The following DMD variants were observed in gnomAD, a reference collection of about 807,000 sequenced individuals.
DMD encodes mutant dystrophin.
Under a neutral mutation model 330.1 loss-of-function variants are expected in DMD, and 63 were observed. That is an observed-to-expected ratio of 0.19 (90% CI 0.16 to 0.24). The LOEUF is 0.24. Among genes scored for constraint, DMD ranks in the 10% least tolerant of loss-of-function variants. The pLI is 1.00. For synonymous variants in DMD, 1,223 were observed against 959.8 expected (o/e 1.27, Z -5.07); for missense variants, 3,344 against 2,684.1 (o/e 1.25, Z -5.43).
intron 44 of DMD, among the ~76,000 whole-genome samples, chrX:31,993,088 A>T (rs1452765013): frequency 9.0e-6 from 1 of 111,580 alleles, no homozygotes; most frequent in Non-Finnish European, 1.9e-5. Context: ...ATGACACTCA[A>T]GGCCATCCTT....
intron 13 of DMD, among the ~76,000 whole-genome samples, chrX:32,593,853 ACT>A (rs1317946910): frequency 1.8e-5 from 2 of 112,437 alleles, no homozygotes; most frequent in African/African-American, 6.5e-5. Context: ...TATGAAACAG[ACT>A]CTCTACGCAC....
intron 62 of DMD, among the ~76,000 whole-genome samples, chrX:31,268,341 C>T (rs1479010253): frequency 1.8e-5 from 2 of 112,587 alleles, no homozygotes; most frequent in African/African-American, 3.2e-5. Flanking sequence ...TGCCAGGATT[C>T]TTTATTACCT....
At chrX:32,440,851 C>T (rs372559241) in intron 28 of DMD, among the ~76,000 whole-genome samples, 1 of 111,055 alleles carries the variant, frequency 9.0e-6, no homozygotes, top group East Asian at 2.8e-4. Flanking sequence ...ATTATCATCC[C>T]GATTAGCCCT....
chrX:32,164,598 T>C (rs1354273251), intron 44 of DMD, among the ~76,000 whole-genome samples: 1 of 111,717 alleles, frequency 9.0e-6, no homozygotes, highest in Non-Finnish European at 1.9e-5. Context: ...ATTTGCAACC[T>C]GACAATGCAG....
intron 7 of DMD, among the ~76,000 whole-genome samples, chrX:32,733,715 T>C (rs1292734165): frequency 9.2e-5 from 10 of 109,208 alleles, no homozygotes; most frequent in African/African-American, 1.3e-4. Flanking sequence ...TTGAAACCAA[T>C]GAGAACAAAG....
intron 2 of DMD, among the ~76,000 whole-genome samples, chrX:32,887,968 T>G (rs1349057476): frequency 9.2e-6 from 1 of 109,264 alleles, no homozygotes; most frequent in East Asian, 2.9e-4. Flanking sequence ...GAGTTGTCCC[T>G]TCACTCTGAT....
At chrX:33,075,560 T>A (rs1277277443) in intron 1 of DMD, among the ~76,000 whole-genome samples, 1 of 112,463 alleles carries the variant, frequency 8.9e-6, no homozygotes, top group East Asian at 2.8e-4. Context: ...TTGAAATAAG[T>A]AACCTAGTTT....
chrX:32,551,458 C>T (rs147188813), intron 16 of DMD, among the ~76,000 whole-genome samples: 2,274 of 111,472 alleles, frequency 0.02, 47 homozygotes, highest in African/African-American at 0.064. Context: ...TAAAAATCCT[C>T]GACAAACTAG....
At chrX:31,789,108 G>T (rs1241381727) in intron 50 of DMD, among the ~76,000 whole-genome samples, 4 of 111,044 alleles carry the variant, frequency 3.6e-5, no homozygotes, top group African/African-American at 1.3e-4. Flanking sequence ...ATTTACTACT[G>T]CCATTTAAAA....
chrX:33,132,316 A>G (rs2095504228), intron 1 of DMD, among the ~76,000 whole-genome samples: 1 of 111,701 alleles, frequency 9.0e-6, no homozygotes, highest in African/African-American at 3.3e-5. Flanking sequence ...TTGTCCAACT[A>G]TTCCTTTAAA....
intron 29 of DMD, among the ~76,000 whole-genome samples, chrX:32,431,152 A>G (rs1460293304): frequency 4.5e-5 from 5 of 110,477 alleles, no homozygotes; most frequent in African/African-American, 6.6e-5. Flanking sequence ...ACTGTTTTCC[A>G]TAGTGTCAGC....
rs940488113 is a variant in DMD at position 33,137,371 on chromosome X, G to T, written c.31+73911C>A. Among the ~76,000 whole-genome samples, 3 of 111,743 alleles carry T rather than the reference G, an allele frequency of 2.7e-5. No individual in the cohort carries two copies. The East Asian group carries it at 8.4e-4, about 31-fold the overall frequency. ...TAGTGGTGGGGGGAGGATAACGGGAGAAATGAGTAAAAATGTGGTTTCAGC... is the reference window on the plus strand; with the variant it reads ...TAGTGGTGGGGGGAGGATAACGGGATAAATGAGTAAAAATGTGGTTTCAGC... On this transcript the variant is annotated intron_variant, in intron 1 of 78. Coordinates refer to ENST00000357033, the MANE Select transcript of DMD (RefSeq NM_004006.3).
intron 53 of DMD, among the ~76,000 whole-genome samples, chrX:31,666,643 T>G: frequency 8.9e-6 from 1 of 112,098 alleles, no homozygotes; most frequent in Non-Finnish European, 1.9e-5. Context: ...GTTCTCTTAT[T>G]AATAAATAGG....
At chrX:32,834,054 C>CAT (rs2079387998) in intron 4 of DMD, among the ~76,000 whole-genome samples, 1 of 110,997 alleles carries the variant, frequency 9.0e-6, no homozygotes, top group Non-Finnish European at 1.9e-5. Flanking sequence ...TTGTATCTTC[C>CAT]ATAACAAGTA....
At chrX:32,200,388 CACATGTAATTTGAAATT>C (rs757948325) in intron 44 of DMD, among the ~76,000 whole-genome samples, 18 of 111,556 alleles carry the variant, frequency 1.6e-4, no homozygotes, top group Admixed American at 7.6e-4. Context: ...TCAAAATATA[CACATGTAATTTGAAATT>C]ACATGTAATT....
At chrX:32,249,979 T>A (rs1054689574) in intron 43 of DMD, among the ~76,000 whole-genome samples, 3 of 102,129 alleles carry the variant, frequency 2.9e-5, no homozygotes, top group Non-Finnish European at 5.9e-5. Flanking sequence ...ATTTTGTACA[T>A]AATGTCCCAC....
chrX:31,782,146 A>T (rs1183095867), intron 50 of DMD, among the ~76,000 whole-genome samples: 1 of 111,484 alleles, frequency 9.0e-6, no homozygotes, highest in Non-Finnish European at 1.9e-5. Context: ...TAGTGACAAA[A>T]ATGACAACAT....
At chrX:31,804,918 T>C (rs1276866156) in intron 50 of DMD, among the ~76,000 whole-genome samples, 1 of 109,334 alleles carries the variant, frequency 9.1e-6, no homozygotes, top group Non-Finnish European at 1.9e-5. Flanking sequence ...TGATTCTTCC[T>C]GATTCTTCCC....
chrX:32,253,066 A>T (rs73219285), intron 43 of DMD, among the ~76,000 whole-genome samples: 1 of 102,949 alleles, frequency 9.7e-6, no homozygotes, highest in East Asian at 3.0e-4. Context: ...GAGGGAAAAC[A>T]GTTTTATCTA....
Sources: gnomAD v4.1 joint callset for allele counts (sites outside exome capture counted in the v4.1 genomes callset) on GRCh38, gnomAD v4.1.1 for gene constraint, MANE v1.5 for transcripts, NCBI Gene and HGNC (gene_info 2026-07-23, HGNC 2026-07-21) for gene names.